RBPJ: variants seen among roughly 807,000 people sequenced by gnomAD.
RBPJ encodes recombination signal binding protein for immunoglobulin kappa J region, also known as recombining binding protein suppressor of hairless.
In RBPJ, 9 loss-of-function variants were observed where a neutral mutation model predicts 67.8. The observed-to-expected ratio is 0.13, with a 90% CI of 0.08 to 0.23. The LOEUF is 0.23. Ranked by LOEUF, RBPJ falls within the 10% of genes least tolerant of loss-of-function variation. The pLI, the probability that RBPJ is intolerant of heterozygous loss-of-function variation, is 1.00. For synonymous variants in RBPJ, 198 were observed against 203.3 expected, an observed-to-expected ratio of 0.97 and a Z score of 0.22; for missense variants, 305 against 595.6, an observed-to-expected ratio of 0.51 and a Z score of 5.08.
In RBPJ at chr4:26,431,994, T is replaced by C. The variant is rs528211077; in HGVS notation, c.*987T>C. ...CCCATGACGTAAATACATAGGTGTGTTCCAGGATTTGTTCAGGTTTTTCCC... is the reference window on the plus strand; with the variant it reads ...CCCATGACGTAAATACATAGGTGTGCTCCAGGATTTGTTCAGGTTTTTCCC... On this transcript the variant is annotated 3_prime_UTR_variant, in exon 11 of 11. Transcript: ENST00000355476. 16 of 152,370 alleles carry C rather than the reference T, an allele frequency of 1.1e-4. No individual in the cohort carries two copies. The highest frequency in any genetic ancestry group is 3.8e-4 in the African/African-American group (16 of 41,592). 9.4% of individuals were successfully genotyped at this position (152,370 alleles called of 1,614,324 possible).
chr4:26,186,184 CT>C (rs1386721195), intron 1 of RBPJ, among the ~76,000 whole-genome samples: 77 of 141,944 alleles, frequency 5.4e-4, no homozygotes, highest in Admixed American at 7.2e-4. Context: ...CTGCTCCCCC[CT>C]TTTTTTTAAA....
At chr4:26,142,030 G>T in the RBPJ span, among the ~76,000 whole-genome samples, 1 of 152,116 alleles carries the variant, frequency 6.6e-6, no homozygotes, top group Non-Finnish European at 1.5e-5. Context: ...AAAGTTTAAT[G>T]TTCTGTTTCA....
intron 1 of RBPJ, among the ~76,000 whole-genome samples, chr4:26,190,285 C>G (rs554009437): frequency 1.3e-5 from 2 of 152,336 alleles, no homozygotes; most frequent in East Asian, 3.9e-4. Context: ...TGATTGAGAA[C>G]ATCCCTTCAC....
chr4:26,287,118 A>C (rs1387978301), intron 1 of RBPJ, among the ~76,000 whole-genome samples: 2 of 152,140 alleles, frequency 1.3e-5, no homozygotes, highest in Non-Finnish European at 2.9e-5. Context: ...GCACATTTTC[A>C]GGTGAAAAAG....
upstream of RBPJ, among the ~76,000 whole-genome samples, chr4:26,160,164 C>T (rs761088365): frequency 1.3e-5 from 2 of 151,984 alleles, no homozygotes; most frequent in South Asian, 2.1e-4. Context: ...GTGATCTGCC[C>T]GCCTCGGCCT....
rs1429061613 is a variant in RBPJ, at chr4:26,432,095, A to AT, written c.*1091dup. 1.3e-5 allele frequency: 2 copies of AT among 152,186 alleles called. No homozygotes were observed. Among genetic ancestry groups the AT allele is most frequent in the Non-Finnish European group, 2.9e-5 (2 of 68,018 alleles). The allele number at this position is 152,186 out of a possible 1,614,324, so 9.4% of individuals were successfully genotyped here. A position where few individuals can be genotyped will look rare whatever the true frequency, so the allele number is the denominator to read the frequency against. ...TTTTGAACTTGGAATGTTCCCAGTG[A>AT]TTTCATTCAGCAGGGTATTTTCTGC... On this transcript the variant is annotated 3_prime_UTR_variant, in exon 11 of 11. Coordinates refer to ENST00000355476, the MANE Select transcript of RBPJ (RefSeq NM_015874.6).
chr4:26,386,259 G>T, intron 1 of RBPJ, 94 bp from the exon 2 acceptor site: 1 of 812,614 alleles, frequency 1.2e-6, no homozygotes, highest in East Asian at 2.6e-5. Context: ...TGAAGTATAA[G>T]TCATAAAAGA....
At chr4:26,135,604 C>G in the RBPJ span, among the ~76,000 whole-genome samples, 1 of 152,072 alleles carries the variant, frequency 6.6e-6, no homozygotes, top group African/African-American at 2.4e-5. Context: ...TTCCAGCCTG[C>G]CTCCTCGGAG....
chr4:26,196,239 T>C (rs575695056), intron 1 of RBPJ, among the ~76,000 whole-genome samples: 9 of 152,190 alleles, frequency 5.9e-5, no homozygotes, highest in African/African-American at 2.2e-4. Context: ...AGCAGAATAT[T>C]ATTCAGTAAG....
At chr4:26,309,609 A>G (rs1053825399) in intron 1 of RBPJ, among the ~76,000 whole-genome samples, 1 of 152,230 alleles carries the variant, frequency 6.6e-6, no homozygotes, top group Admixed American at 6.5e-5. Flanking sequence ...AAGCTAGTTC[A>G]GTGTTCTTTC....
intron 1 of RBPJ, among the ~76,000 whole-genome samples, chr4:26,262,477 A>C (rs902777903): frequency 2.0e-5 from 3 of 152,172 alleles, no homozygotes; most frequent in African/African-American, 7.2e-5. Flanking sequence ...TAGAGGTGTG[A>C]TGTCTTTCCC....
the RBPJ span, among the ~76,000 whole-genome samples, chr4:26,109,725 C>A: frequency 2.5e-4 from 29 of 114,860 alleles, no homozygotes; most frequent in East Asian, 1.0e-3. Flanking sequence ...CTCTCTCTCT[C>A]TCTCTATATA....
At chr4:26,155,701 C>T in the RBPJ span, among the ~76,000 whole-genome samples, 16 of 152,126 alleles carry the variant, frequency 1.1e-4, no homozygotes, top group Non-Finnish European at 1.9e-4. Flanking sequence ...TCCCAAAGTG[C>T]TGGGATTGCA....
At chr4:26,391,552 C>T (rs1433501953) in intron 2 of RBPJ, among the ~76,000 whole-genome samples, 1 of 152,010 alleles carries the variant, frequency 6.6e-6, no homozygotes, top group Non-Finnish European at 1.5e-5. Context: ...TTAAAGTATA[C>T]AGCTTTTAGA....
At chr4:26,356,156 G>A (rs1440494803) in intron 1 of RBPJ, among the ~76,000 whole-genome samples, 3 of 152,184 alleles carry the variant, frequency 2.0e-5, no homozygotes, top group African/African-American at 4.8e-5. Context: ...GTAAGCCTGA[G>A]TAGAGTCCCA....
At chr4:26,227,500 A>C (rs1719116221) in intron 1 of RBPJ, among the ~76,000 whole-genome samples, 1 of 152,234 alleles carries the variant, frequency 6.6e-6, no homozygotes, top group Non-Finnish European at 1.5e-5. Flanking sequence ...CCACTAGTCT[A>C]GGGAAAAGGG....
chr4:26,301,369 G>A (rs1722069590), intron 1 of RBPJ, among the ~76,000 whole-genome samples: 1 of 152,058 alleles, frequency 6.6e-6, no homozygotes, highest in South Asian at 2.1e-4. Flanking sequence ...GAGGTGGGCG[G>A]ATCACGAGGT....
intron 2 of RBPJ, among the ~76,000 whole-genome samples, chr4:26,394,059 CT>C (rs1731839765): frequency 6.8e-6 from 1 of 146,996 alleles, no homozygotes; most frequent in South Asian, 2.1e-4. Context: ...TGGAGTCTCA[CT>C]CTGTTGCCCA....
intron 1 of RBPJ, among the ~76,000 whole-genome samples, chr4:26,184,296 T>G (rs1304009128): frequency 2.0e-5 from 3 of 152,144 alleles, no homozygotes; most frequent in Non-Finnish European, 4.4e-5. Flanking sequence ...CAGGGATCAC[T>G]GCAATGGGTT....
Sources: allele counts gnomAD v4.1 joint callset (sites outside exome capture counted in the v4.1 genomes callset), GRCh38; gene constraint gnomAD v4.1.1; transcripts MANE v1.5; gene names NCBI Gene and HGNC (gene_info 2026-07-23, HGNC 2026-07-21).